DNAH5: variants seen among roughly 807,000 people sequenced by gnomAD.
The protein encoded by DNAH5 is dynein axonemal heavy chain 5, also known as axonemal beta dynein heavy chain 5.
A neutral mutation model predicts 518.2 loss-of-function variants in DNAH5; 372 were observed. The ratio of observed to expected loss-of-function variants is 0.72; its 90% CI spans 0.66 to 0.78. The LOEUF (loss-of-function observed/expected upper bound fraction) is 0.78. DNAH5 is among the 30% of genes least tolerant of loss of function. DNAH5 has a pLI of 0.00. For missense variants in DNAH5, 5,523 were observed against 5,687.0 expected (o/e 0.97, Z 0.93); for synonymous variants, 2,039 against 2,025.9 (o/e 1.01, Z -0.17).
intron 1 of DNAH5, among the ~76,000 whole-genome samples, chr5:13,966,256 C>T (rs1264079876): frequency 3.3e-5 from 5 of 151,940 alleles, no homozygotes; most frequent in Non-Finnish European, 7.4e-5. Flanking sequence ...TTTATCCACT[C>T]GTCAATTGAT....
intron 60 of DNAH5, among the ~76,000 whole-genome samples, chr5:13,761,362 G>A (rs1167241530): frequency 6.6e-6 from 1 of 152,184 alleles, no homozygotes; most frequent in Non-Finnish European, 1.5e-5. Context: ...GGGAGGCCGA[G>A]GTGGGCGGAT....
intron 61 of DNAH5, among the ~76,000 whole-genome samples, chr5:13,756,456 C>G (rs781470670): frequency 1.3e-5 from 2 of 151,970 alleles, no homozygotes; most frequent in Non-Finnish European, 2.9e-5. Flanking sequence ...AGCAGATGCT[C>G]AAAAACAATA....
intron 3 of DNAH5, 59 bp downstream of exon 3, chr5:13,928,035 C>G: frequency 1.4e-6 from 2 of 1,442,308 alleles, no homozygotes; most frequent in Middle Eastern, 1.7e-4. Flanking sequence ...CTTCTTCAAG[C>G]TACCCTCAGA....
chr5:13,763,266 A>G (rs1752026694), intron 59 of DNAH5, among the ~76,000 whole-genome samples: 2 of 152,372 alleles, frequency 1.3e-5, no homozygotes, highest in South Asian at 4.1e-4. Flanking sequence ...TTACAAACCC[A>G]TAAAATCCAC....
chr5:13,839,288 A>T, intron 35 of DNAH5, 68 bp downstream of exon 35: 3 of 1,483,134 alleles, frequency 2.0e-6, no homozygotes, highest in Non-Finnish European at 1.9e-6. Flanking sequence ...AAGAGACTTT[A>T]AGCAAAAATC....
intron 78 of DNAH5, among the ~76,000 whole-genome samples, chr5:13,699,611 G>T (rs1741816312): frequency 6.6e-6 from 1 of 152,192 alleles, no homozygotes; most frequent in African/African-American, 2.4e-5. Context: ...CTACTCAGGA[G>T]GCTGAGGCAG....
chr5:13,798,681 T>C (rs1044938991), intron 47 of DNAH5, among the ~76,000 whole-genome samples: 10 of 151,832 alleles, frequency 6.6e-5, no homozygotes, highest in African/African-American at 2.4e-4. Context: ...TCTATACAAC[T>C]GTCCTTGAGA....
chr5:13,739,557 C>T (rs1393584900), intron 65 of DNAH5, among the ~76,000 whole-genome samples: 4 of 152,162 alleles, frequency 2.6e-5, no homozygotes, highest in African/African-American at 4.8e-5. Flanking sequence ...TGGACTAATA[C>T]AGTAGGTTTT....
chr5:13,844,830 G>C lies in DNAH5; in HGVS notation c.5271+7C>G. The C allele has an allele frequency of 6.2e-7, 1 of 1,614,152 alleles. No individual in the cohort carries two copies. Among genetic ancestry groups the C allele is most frequent in the Non-Finnish European group, 8.5e-7 (1 of 1,180,012 alleles). On this transcript the variant is annotated splice_region_variant and intron_variant, in intron 32 of 78. Coordinates refer to ENST00000265104, the MANE Select transcript of DNAH5 (RefSeq NM_001369.3). The stretch of plus-strand genomic sequence containing the variant: ...GATTGTTGGCCTGCCATTAGAATTA[G>C]GCGAACCTTTTCGTGGAACTTGACA...
rs1009366533 is a variant in DNAH5, at chr5:13,793,852, A to C, written c.8010+84T>G. On this transcript the variant is annotated intron_variant, in intron 48 of 78. Transcript: ENST00000265104. ...GAAATTATATCTTGAAAAAGTAAAAACTTAAAAAAAATTTTTAAAAACTCT... is the reference window on the plus strand; with the variant it reads ...GAAATTATATCTTGAAAAAGTAAAACCTTAAAAAAAATTTTTAAAAACTCT... 294 of 1,556,390 alleles carry C rather than the reference A, an allele frequency of 1.9e-4. 1 individual carries two copies. Among genetic ancestry groups the C allele is most frequent in the Non-Finnish European group, 2.4e-4 (280 of 1,150,650 alleles).
chr5:13,899,212 T>G (rs1453394995), intron 15 of DNAH5: 1 of 117,236 alleles, frequency 8.5e-6, no homozygotes, highest in East Asian at 2.6e-4. Flanking sequence ...ATTACAGGCA[T>G]GAGCCACCGT....
rs764518951 is a variant in DNAH5 at position 13,862,519 on chromosome 5, C to A, written c.4796+29G>T. 29 of 1,607,524 alleles carry A rather than the reference C, an allele frequency of 1.8e-5. No individual in the cohort carries two copies. The South Asian group carries it at 2.6e-4, about 15-fold the overall frequency. ...ATGTTTGCTATTACGGTTCTCAAAT[C>A]TAAGGGAAAAGATAGATGGTTTTCC... is the stretch of plus-strand genomic sequence containing the variant. On this transcript the variant is annotated intron_variant, in intron 29 of 78. Coordinates refer to ENST00000265104, the MANE Select transcript of DNAH5 (RefSeq NM_001369.3).
Position 13,919,233 on chromosome 5 carries a change from G to A in DNAH5, c.918C>T (p.Ser306=), listed in dbSNP as rs1776988774. ...CTGCCAGCACAGCCTTCACATCCGG[G>A]CTTTTCAATTGTTCCAAAAGGTAGT... ...KFNYLLEQLK[S]PDVKAVLAVL... is the part of the protein sequence containing the mutation. Residue 306 remains serine (S), a synonymous_variant, in exon 7 of 79, where the codon AGC becomes AGT. Transcript: ENST00000265104. The A allele has an allele frequency of 1.2e-6, 2 of 1,614,068 alleles. No individual in the cohort carries two copies.
intron 5 of DNAH5, among the ~76,000 whole-genome samples, chr5:13,921,888 G>A (rs955194678): frequency 6.6e-5 from 10 of 151,984 alleles, no homozygotes; most frequent in Admixed American, 3.9e-4. Context: ...CACTGCCAAC[G>A]TTTTTATGGA....
intron 21 of DNAH5, among the ~76,000 whole-genome samples, chr5:13,881,521 C>A (rs1269180874): frequency 2.6e-5 from 4 of 151,760 alleles, no homozygotes; most frequent in Non-Finnish European, 5.9e-5. Context: ...ACAGGAAAAA[C>A]CATGCAAATG....
At chr5:14,004,141 T>C (rs572198474) in intron 1 of DNAH5, among the ~76,000 whole-genome samples, 2 of 152,246 alleles carry the variant, frequency 1.3e-5, no homozygotes, top group African/African-American at 4.8e-5. Context: ...CTTCGAATAT[T>C]GCTGCTTCGT....
At chr5:13,919,937 A>G (rs1003694622) in intron 6 of DNAH5, among the ~76,000 whole-genome samples, 1 of 152,230 alleles carries the variant, frequency 6.6e-6, no homozygotes, top group Non-Finnish European at 1.5e-5. Context: ...AAAACTACCT[A>G]TTTAATGAGC....
chr5:13,700,849 C>T lies in DNAH5; in HGVS notation c.13514G>A (p.Gly4505Asp), dbSNP rs747465528. The change falls in exon 78 of 79, where the codon GGC becomes GAC. Residue 4505 changes from glycine to aspartate, a missense_variant. Coordinates refer to ENST00000265104, the MANE Select transcript of DNAH5 (RefSeq NM_001369.3). ...AAGCACCATATTGTCCAGAGCCCAGCCTTTGTTGGCCCGAGTTATTTCCTA... is the reference window on the plus strand; with the variant it reads ...AAGCACCATATTGTCCAGAGCCCAGTCTTTGTTGGCCCGAGTTATTTCCTA... ...MRQEITRANK[G>D]WALDNMVLCN... 1 of 1,614,116 alleles carries T rather than the reference C, an allele frequency of 6.2e-7. No homozygotes were observed. Among genetic ancestry groups the T allele is most frequent in the Non-Finnish European group, 8.5e-7 (1 of 1,180,004 alleles).
intron 69 of DNAH5, among the ~76,000 whole-genome samples, chr5:13,728,739 A>G (rs1746103513): frequency 6.6e-6 from 1 of 152,194 alleles, no homozygotes; most frequent in Non-Finnish European, 1.5e-5. Context: ...TTCCTCGTCA[A>G]AAAAAGCCTT....
Sources: allele counts gnomAD v4.1 joint callset (sites outside exome capture counted in the v4.1 genomes callset), GRCh38; gene constraint gnomAD v4.1.1; transcripts MANE v1.5; gene names NCBI Gene and HGNC (gene_info 2026-07-23, HGNC 2026-07-21).